CCNY: variants seen among roughly 807,000 people sequenced by gnomAD.
CCNY encodes the protein cyclin Y, also known as cyclin-Y.
Under a neutral mutation model 42.8 loss-of-function variants are expected in CCNY, and 19 were observed. The ratio of observed to expected loss-of-function variants is 0.44; its 90% CI spans 0.31 to 0.65. The LOEUF (loss-of-function observed/expected upper bound fraction) is 0.65, where lower values mean the gene tolerates loss of function less well. Among genes scored for constraint, CCNY ranks in the 30% least tolerant of loss-of-function variants. CCNY has a pLI of 0.07. For missense variants in CCNY, 370 were observed against 437.3 expected, an observed-to-expected ratio of 0.85 and a Z score of 1.37; for synonymous variants, 165 against 162.7, an observed-to-expected ratio of 1.01 and a Z score of -0.11.
At chr10:35,363,530 C>T (rs1803950962) in intron 1 of CCNY, among the ~76,000 whole-genome samples, 1 of 152,060 alleles carries the variant, frequency 6.6e-6, no homozygotes, top group South Asian at 2.1e-4. Context: ...ATCAAAGTGA[C>T]CCTGGAAGAT....
chr10:35,271,039 T>C (rs552939144), intron 3 of CCNY, among the ~76,000 whole-genome samples: 4 of 152,254 alleles, frequency 2.6e-5, no homozygotes, highest in South Asian at 4.1e-4. Flanking sequence ...TATATTTTTA[T>C]TGAGTTAAAG....
intron 1 of CCNY, among the ~76,000 whole-genome samples, chr10:35,339,049 T>A (rs992181569): frequency 2.6e-5 from 4 of 152,216 alleles, no homozygotes; most frequent in Admixed American, 6.5e-5. Context: ...CAGGATAGTT[T>A]GAGAGAGTAT....
chr10:35,323,981 C>T (rs1835851394), intron 3 of CCNY, among the ~76,000 whole-genome samples: 3 of 151,268 alleles, frequency 2.0e-5, no homozygotes, highest in African/African-American at 7.3e-5. Context: ...GATCACACCA[C>T]TGCACTCCAG....
intron 9 of CCNY, among the ~76,000 whole-genome samples, chr10:35,567,945 A>C (rs538357429): frequency 6.6e-6 from 1 of 152,202 alleles, no homozygotes; most frequent in African/African-American, 2.4e-5. Flanking sequence ...ATGTTGTGAA[A>C]CCTTCGCAAG....
intron 8 of CCNY, among the ~76,000 whole-genome samples, chr10:35,565,016 C>T (rs1335560332): frequency 6.6e-6 from 1 of 152,162 alleles, no homozygotes; most frequent in Admixed American, 6.5e-5. Flanking sequence ...TGGGGGCTTC[C>T]TGGGGAGAAC....
intron 8 of CCNY, among the ~76,000 whole-genome samples, chr10:35,557,761 T>TAAAA (rs566127111): frequency 3.9e-5 from 6 of 152,022 alleles, no homozygotes; most frequent in African/African-American, 1.4e-4. Flanking sequence ...ATTTTATATT[T>TAAAA]AAAAAAAAGT....
intron 4 of CCNY, among the ~76,000 whole-genome samples, chr10:35,523,756 A>G (rs571476604): frequency 1.2e-4 from 18 of 152,174 alleles, no homozygotes; most frequent in Admixed American, 5.9e-4. Context: ...GCTTTTATAT[A>G]CTTTTTTTAT....
chr10:35,427,596 A>G (rs1310085500), intron 1 of CCNY, among the ~76,000 whole-genome samples: 1 of 152,244 alleles, frequency 6.6e-6, no homozygotes, highest in African/African-American at 2.4e-5. Flanking sequence ...TGTGTATTTC[A>G]ATGTGATAAT....
intron 1 of CCNY, among the ~76,000 whole-genome samples, chr10:35,409,092 C>T (rs1837847021): frequency 6.6e-6 from 1 of 152,124 alleles, no homozygotes; most frequent in Admixed American, 6.5e-5. Context: ...ATTAAGGAGG[C>T]CTTTTTTTTC....
intron 8 of CCNY, among the ~76,000 whole-genome samples, chr10:35,553,907 G>T (rs1243357033): frequency 6.6e-6 from 1 of 152,212 alleles, no homozygotes; most frequent in African/African-American, 2.4e-5. Context: ...TCCAGGAACT[G>T]AGTTCAGAGC....
At chr10:35,280,956 C>T (rs559961064) in intron 3 of CCNY, among the ~76,000 whole-genome samples, 248 of 152,156 alleles carry the variant, frequency 1.6e-3, no homozygotes, top group Non-Finnish European at 2.7e-3. Context: ...GGTATTTCTC[C>T]GAAGAATACA....
chr10:35,446,033 C>T (rs1399166727), intron 1 of CCNY, among the ~76,000 whole-genome samples: 4 of 152,162 alleles, frequency 2.6e-5, no homozygotes, highest in Non-Finnish European at 5.9e-5. Context: ...TTAAAAATAA[C>T]CAGAGTACTC....
chr10:35,550,444 G>T (rs946760011), intron 7 of CCNY, among the ~76,000 whole-genome samples: 1 of 152,018 alleles, frequency 6.6e-6, no homozygotes, highest in African/African-American at 2.4e-5. Context: ...ATTAAGGATT[G>T]TTCTCCGTCC....
At chr10:35,508,766 T>A (rs977034757) in intron 3 of CCNY, among the ~76,000 whole-genome samples, 2 of 152,230 alleles carry the variant, frequency 1.3e-5, no homozygotes, top group African/African-American at 4.8e-5. Context: ...GATACATAAT[T>A]AACATGTAAA....
chr10:35,512,083 A>G (rs1564440845), intron 3 of CCNY, among the ~76,000 whole-genome samples: 1 of 152,212 alleles, frequency 6.6e-6, no homozygotes, highest in Non-Finnish European at 1.5e-5. Context: ...AAGGGAAAGG[A>G]TGATGTGGAA....
chr10:35,316,500 T>C (rs1835762030), intron 3 of CCNY: 1 of 152,234 alleles, frequency 6.6e-6, no homozygotes, highest in African/African-American at 2.4e-5. Flanking sequence ...ACAACTGCCA[T>C]TCAGAAAGTT....
chr10:35,407,039 T>C, intron 1 of CCNY, among the ~76,000 whole-genome samples: 1 of 152,236 alleles, frequency 6.6e-6, no homozygotes, highest in East Asian at 1.9e-4. Flanking sequence ...AAACAGGCCT[T>C]GAATTGGGTT....
At chr10:35,351,482 T>C (rs979600720) in intron 1 of CCNY, among the ~76,000 whole-genome samples, 3 of 152,236 alleles carry the variant, frequency 2.0e-5, no homozygotes, top group African/African-American at 7.2e-5. Context: ...TCAGGGAAGG[T>C]CCAGCCTAAC....
chr10:35,513,313 C>G (rs1014822566), intron 3 of CCNY, among the ~76,000 whole-genome samples: 1 of 152,100 alleles, frequency 6.6e-6, no homozygotes, highest in Admixed American at 6.6e-5. Context: ...CTAAGCAGTT[C>G]GTGGTTAACT....
Sources: gnomAD v4.1 joint callset for allele counts (sites outside exome capture counted in the v4.1 genomes callset) on GRCh38, gnomAD v4.1.1 for gene constraint, MANE v1.5 for transcripts, NCBI Gene and HGNC (gene_info 2026-07-23, HGNC 2026-07-21) for gene names.